ERAP1: variants seen among roughly 807,000 people sequenced by gnomAD.
ERAP1 encodes the protein adipocyte-derived leucine aminopeptidase.
A neutral mutation model predicts 103.7 loss-of-function variants in ERAP1; 86 were observed. The observed-to-expected ratio is 0.83, with a 90% confidence interval of 0.70 to 0.99. ERAP1 has a LOEUF of 0.99. Ranked by LOEUF, ERAP1 falls within the 50% of genes least tolerant of loss-of-function variation. The pLI is 0.00. For synonymous variants in ERAP1, 398 were observed against 402.4 expected (o/e 0.99, Z 0.13); for missense variants, 1,009 against 1,128.4 (o/e 0.89, Z 1.52).
chr5:96,780,606 C>T (rs963890712), intron 17 of ERAP1, 102 bp from the exon 18 acceptor site: 7 of 921,872 alleles, frequency 7.6e-6, no homozygotes, highest in South Asian at 2.7e-5. Context: ...AAAAACTGAT[C>T]GGTGTGAAAA....
At chr5:96,904,644 G>A in the ERAP1 span, among the ~76,000 whole-genome samples, 2 of 152,176 alleles carry the variant, frequency 1.3e-5, no homozygotes, top group South Asian at 4.1e-4. Flanking sequence ...AGTTGAAGGA[G>A]GTTTGCCTGC....
the ERAP1 span, among the ~76,000 whole-genome samples, chr5:96,930,171 C>T: frequency 6.6e-6 from 1 of 152,146 alleles, no homozygotes; most frequent in Non-Finnish European, 1.5e-5. Flanking sequence ...TGAAAGATTC[C>T]ACCCCTAATA....
Position 96,775,139 on chromosome 5 carries a change from T to C in ERAP1, c.*1257A>G. The stretch of plus-strand genomic sequence containing the variant: ...AAATAAAATCTAATTCTTAGGGTAT[T>C]AACTGACTTGACTTGAACTCCGTTG... On this transcript the variant is annotated 3_prime_UTR_variant, in exon 19 of 19. Transcript: ENST00000443439. The C allele has an allele frequency of 1.0e-6, 1 of 985,522 alleles. No individual in the cohort carries two copies. Among genetic ancestry groups the C allele is most frequent in the Non-Finnish European group, 1.2e-6 (1 of 829,914 alleles). The allele number at this position is 985,522 out of a possible 1,614,324, so 61.0% of individuals were successfully genotyped here.
At chr5:96,829,383 A>G in the ERAP1 span, among the ~76,000 whole-genome samples, 3 of 152,224 alleles carry the variant, frequency 2.0e-5, no homozygotes, top group African/African-American at 7.2e-5. Context: ...ACTAAATCAA[A>G]CAACACCCTT....
intron 11 of ERAP1, among the ~76,000 whole-genome samples, chr5:96,787,813 T>TAC (rs1307758542): frequency 9.3e-5 from 7 of 74,898 alleles, no homozygotes; most frequent in Admixed American, 4.6e-4. Context: ...TGTATATATA[T>TAC]ACACATATAT....
At chr5:96,889,168 T>C in the ERAP1 span, 1 of 1,613,506 alleles carries the variant, frequency 6.2e-7, no homozygotes, top group Non-Finnish European at 8.5e-7. Context: ...AAACCTCTTC[T>C]GATCCACATT....
At chr5:96,800,308 T>C (rs986818064) in intron 3 of ERAP1, among the ~76,000 whole-genome samples, 1 of 152,194 alleles carries the variant, frequency 6.6e-6, no homozygotes, top group African/African-American at 2.4e-5. Context: ...GGAATAATAG[T>C]TTCCCTCTGG....
At chr5:96,770,642 GT>G (rs1460833848), downstream of ERAP1, 1 of 1,269,910 alleles carries the variant, frequency 7.9e-7, no homozygotes, top group African/African-American at 1.5e-5. Flanking sequence ...TAGTTTAGCA[GT>G]TACACAGAGT....
intron 14 of ERAP1, 140 bp from the exon 15 acceptor site, chr5:96,783,375 G>T: frequency 1.5e-6 from 1 of 672,574 alleles, no homozygotes; most frequent in Non-Finnish European, 2.4e-6. Flanking sequence ...ATGCAGCACT[G>T]TTTAATTATA....
At chr5:96,841,362 C>T in the ERAP1 span, among the ~76,000 whole-genome samples, 1 of 152,194 alleles carries the variant, frequency 6.6e-6, no homozygotes, top group Non-Finnish European at 1.5e-5. Flanking sequence ...GTCATTTCAA[C>T]AACCTCTGCT....
chr5:96,850,308 A>G, the ERAP1 span, among the ~76,000 whole-genome samples: 4 of 152,218 alleles, frequency 2.6e-5, no homozygotes, highest in African/African-American at 9.6e-5. Context: ...GACAACCCAC[A>G]GACTGAGAGA....
At chr5:96,866,831 A>G in the ERAP1 span, among the ~76,000 whole-genome samples, 1 of 152,142 alleles carries the variant, frequency 6.6e-6, no homozygotes, top group South Asian at 2.1e-4. Flanking sequence ...CTTTTACTCT[A>G]TAAATAAACC....
At chr5:96,896,751 T>C in the ERAP1 span, 2 of 1,575,394 alleles carry the variant, frequency 1.3e-6, no homozygotes, top group South Asian at 2.4e-5. Flanking sequence ...ATTTTGAATA[T>C]GCTCAAGGAT....
At chr5:96,773,647 T>C (rs1444649427), downstream of ERAP1, 2 of 152,166 alleles carry the variant, frequency 1.3e-5, no homozygotes, top group African/African-American at 2.4e-5. Context: ...CCCACAGCAA[T>C]GTAAGAAGTA....
intron 19 of ERAP1, among the ~76,000 whole-genome samples, chr5:96,766,613 C>G (rs989020689): frequency 6.6e-6 from 1 of 152,162 alleles, no homozygotes. Flanking sequence ...TGAAGACAGG[C>G]AAAGCAATAT....
At chr5:96,861,019 A>T in the ERAP1 span, among the ~76,000 whole-genome samples, 3 of 151,782 alleles carry the variant, frequency 2.0e-5, no homozygotes, top group Admixed American at 2.0e-4. Context: ...GAGAGCAGTC[A>T]TTACAAGGTC....
chr5:96,904,498 G>A, the ERAP1 span, among the ~76,000 whole-genome samples: 2 of 152,216 alleles, frequency 1.3e-5, no homozygotes, highest in African/African-American at 2.4e-5. Flanking sequence ...AAAAGAGGAA[G>A]TGAGGCTTAA....
chr5:96,863,349 TG>T, the ERAP1 span, among the ~76,000 whole-genome samples: 1 of 152,168 alleles, frequency 6.6e-6, no homozygotes, highest in Non-Finnish European at 1.5e-5. Flanking sequence ...CCCTCTGCAG[TG>T]TGGTTTCACC....
At chr5:96,894,312 C>T in the ERAP1 span, among the ~76,000 whole-genome samples, 2 of 152,198 alleles carry the variant, frequency 1.3e-5, no homozygotes, top group Admixed American at 6.6e-5. Context: ...TCCATGAATG[C>T]CCTTCAGAAG....
Sources: gnomAD v4.1 joint callset for allele counts (sites outside exome capture counted in the v4.1 genomes callset) on GRCh38, gnomAD v4.1.1 for gene constraint, MANE v1.5 for transcripts, NCBI Gene and HGNC (gene_info 2026-07-23, HGNC 2026-07-21) for gene names.